Variants in UBE4B observed in about 807,000 individuals in gnomAD.
UBE4B encodes the protein ubiquitin conjugation factor E4 B.
Under a neutral mutation model 148.1 loss-of-function variants are expected in UBE4B, and 27 were observed. That is an observed-to-expected ratio of 0.18 (90% confidence interval 0.13 to 0.25). The LOEUF (loss-of-function observed/expected upper bound fraction) is 0.25, where lower values mean the gene tolerates loss of function less well. Among genes scored for constraint, UBE4B ranks in the 10% least tolerant of loss-of-function variants. The pLI, the probability that UBE4B is intolerant of heterozygous loss-of-function variation, is 1.00. For missense variants in UBE4B, 1,170 were observed against 1,662.4 expected (o/e 0.70, Z 5.15); for synonymous variants, 596 against 619.3 (o/e 0.96, Z 0.56).
At chr1:10,087,993 T>G (rs1314855763) in intron 2 of UBE4B, among the ~76,000 whole-genome samples, 1 of 152,246 alleles carries the variant, frequency 6.6e-6, no homozygotes, top group Non-Finnish European at 1.5e-5. Context: ...GCAACATTAC[T>G]TATTTTACAG....
Position 10,161,926 on chromosome 1 carries a change from A to G in UBE4B, c.3198+640A>G, listed in dbSNP as rs1375601750. Among the ~76,000 whole-genome samples the G allele has an allele frequency of 6.6e-6, 1 of 151,724 alleles. No individual in the cohort carries two copies. The highest frequency in any genetic ancestry group is 1.5e-5 in the Non-Finnish European group (1 of 67,986). On this transcript the variant is annotated intron_variant, in intron 23 of 27. Coordinates refer to ENST00000343090, the MANE Select transcript of UBE4B (RefSeq NM_001105562.3). This position sits in a 1 kb window ranked among gnomAD's most constrained non-coding sequence, Gnocchi z 4.1. ...TATTGATTCTGTTCTTGGAATTGTC[A>G]GGCTCAGAATCAGAACTGATTTCCA... is the stretch of plus-strand genomic sequence containing the variant.
chr1:10,176,906 C>T lies in UBE4B; in HGVS notation c.3526-1738C>T, dbSNP rs1200959240. On this transcript the variant is annotated intron_variant, in intron 25 of 27. Coordinates refer to ENST00000343090, the MANE Select transcript of UBE4B (RefSeq NM_001105562.3). Reference sequence around the variant, plus strand: ...ATTCAAGCAATTCTCTTGCCTCAGCCTCCCAAATAGCTGGGACTACAGGCG... The same window carrying T: ...ATTCAAGCAATTCTCTTGCCTCAGCTTCCCAAATAGCTGGGACTACAGGCG... Among the ~76,000 whole-genome samples, 7 of 151,334 alleles carry T rather than the reference C, an allele frequency of 4.6e-5. No individual in the cohort carries two copies. The South Asian group carries it at 1.0e-3, about 23-fold the overall frequency.
intron 4 of UBE4B, among the ~76,000 whole-genome samples, chr1:10,101,401 A>G (rs759929574): frequency 8.6e-5 from 13 of 150,612 alleles, no homozygotes; most frequent in Admixed American, 4.0e-4. Flanking sequence ...GATAATATCC[A>G]TCTGTTTTTG....
intron 1 of UBE4B, among the ~76,000 whole-genome samples, chr1:10,039,918 T>C (rs1025484951): frequency 3.3e-5 from 5 of 152,006 alleles, no homozygotes; most frequent in African/African-American, 4.8e-5. Flanking sequence ...AGGCATTGCC[T>C]GTGGGAATGG....
intron 1 of UBE4B, among the ~76,000 whole-genome samples, chr1:10,046,695 T>TCACCTCTGGGTGA (rs2101784699): frequency 6.6e-6 from 1 of 152,304 alleles, no homozygotes; most frequent in East Asian, 1.9e-4. Context: ...GTGTTTCTTT[T>TCACCTCTGGGTGA]CCTCTGGGGT....
intron 5 of UBE4B, among the ~76,000 whole-genome samples, chr1:10,103,626 G>GTTTTTTTTTT (rs1279924321): frequency 5.1e-5 from 6 of 117,076 alleles, no homozygotes; most frequent in Non-Finnish European, 7.4e-5. Context: ...TGTTTGTTTT[G>GTTTTTTTTTT]TTTTTGTTTT....
At chr1:10,072,443 T>TC (rs1644503878) in intron 2 of UBE4B, 1 of 685,138 alleles carries the variant, frequency 1.5e-6, no homozygotes, top group African/African-American at 1.8e-5. Context: ...ATCTTTTTTT[T>TC]TTTCAAACAG....
At chr1:10,131,961 A>AC (rs930609994) in intron 14 of UBE4B, among the ~76,000 whole-genome samples, 22 of 151,380 alleles carry the variant, frequency 1.5e-4, no homozygotes, top group African/African-American at 5.3e-4. Context: ...TCAAAAAAAA[A>AC]AACAACAAAA....
At chr1:10,145,611 G>GACAACAACAACAAAAATC (rs1457890780) in intron 18 of UBE4B, 2 of 150,856 alleles carry the variant, frequency 1.3e-5, no homozygotes, top group Non-Finnish European at 2.9e-5. Flanking sequence ...AAAAAAAAAA[G>GACAACAACAACAAAAATC]ACAACAACAA....
chr1:10,119,465 T>C, intron 8 of UBE4B, 48 bp from the exon 9 acceptor site: 1 of 1,572,110 alleles, frequency 6.4e-7, no homozygotes, highest in Non-Finnish European at 8.7e-7. Context: ...CAGCATGGAA[T>C]TGTATTGTTT....
At chr1:10,065,402 T>G (rs1448127286) in intron 1 of UBE4B, among the ~76,000 whole-genome samples, 1 of 152,086 alleles carries the variant, frequency 6.6e-6, no homozygotes, top group African/African-American at 2.4e-5. Flanking sequence ...TGCCCAGCTG[T>G]GTGTTGAAGG....
intron 1 of UBE4B, among the ~76,000 whole-genome samples, chr1:10,057,733 GA>G (rs574034728): frequency 0.06 from 6,306 of 104,548 alleles, 184 homozygotes; most frequent in African/African-American, 0.11. Context: ...CTGTCTCACA[GA>G]AAAAAAAAAA....
chr1:10,090,153 T>A (rs1644823457), intron 2 of UBE4B, among the ~76,000 whole-genome samples: 1 of 151,924 alleles, frequency 6.6e-6, no homozygotes, highest in Non-Finnish European at 1.5e-5. Flanking sequence ...ATGGTTTCAC[T>A]TTGTTGCCCA....
rs1239075241 is a variant in UBE4B at position 10,168,099 on chromosome 1, A to G, written c.3199-37A>G. On this transcript the variant is annotated intron_variant, in intron 23 of 27. Transcript: ENST00000343090. This position sits in a 1 kb window ranked among gnomAD's most constrained non-coding sequence, Gnocchi z 4.9. ...GCGCTTTGCTGAGCTGATGACCAGGACCGAGCCTTACTCAGCGTCTGTTCG... is the reference window on the plus strand; with the variant it reads ...GCGCTTTGCTGAGCTGATGACCAGGGCCGAGCCTTACTCAGCGTCTGTTCG... The G allele has an allele frequency of 6.3e-7, 1 of 1,597,544 alleles. No individual in the cohort carries two copies. The highest frequency in any genetic ancestry group is 1.1e-5 in the South Asian group (1 of 90,192).
chr1:10,089,432 A>G (rs1644813161), intron 2 of UBE4B, among the ~76,000 whole-genome samples: 1 of 152,054 alleles, frequency 6.6e-6, no homozygotes, highest in African/African-American at 2.4e-5. Flanking sequence ...TTTGAGCCCA[A>G]GTTCCAGGCT....
chr1:10,035,009 G>GT (rs1643449498), intron 1 of UBE4B, among the ~76,000 whole-genome samples: 1 of 151,588 alleles, frequency 6.6e-6, no homozygotes. Flanking sequence ...TTGTTTGTTT[G>GT]TTTTTTTGAG....
chr1:10,174,684 A>G (rs1241565895), intron 25 of UBE4B, among the ~76,000 whole-genome samples: 1 of 150,392 alleles, frequency 6.6e-6, no homozygotes, highest in Non-Finnish European at 1.5e-5. Flanking sequence ...CTTGGGCAAC[A>G]AGAGCGAAAC....
At position 10,147,102 on chromosome 1, in the gene UBE4B, T is replaced by G. The variant is rs867209467; in HGVS notation, c.2591+12T>G. The G allele has an allele frequency of 1.8e-5, 29 of 1,613,998 alleles. No individual in the cohort carries two copies. The Middle Eastern group carries it at 6.6e-4, about 37-fold the overall frequency. On this transcript the variant is annotated intron_variant, in intron 19 of 27. Transcript: ENST00000343090. The stretch of plus-strand genomic sequence containing the variant: ...CCCGCATATCCCGAGTGAGTGTGCT[T>G]CTTCCTGTTTCCCTTGTCCCTCCTT...
intron 15 of UBE4B, among the ~76,000 whole-genome samples, chr1:10,133,150 G>C (rs1287358651): frequency 1.3e-5 from 2 of 152,196 alleles, no homozygotes; most frequent in Non-Finnish European, 2.9e-5. Flanking sequence ...GGTGAGACAG[G>C]CCAGTGGCTG....
Sources: allele counts gnomAD v4.1 joint callset (sites outside exome capture counted in the v4.1 genomes callset), GRCh38; gene constraint gnomAD v4.1.1; non-coding constraint Gnocchi (gnomAD v3.1); transcripts MANE v1.5; gene names NCBI Gene and HGNC (gene_info 2026-07-23, HGNC 2026-07-21).